The following OSBPL8 variants were observed in gnomAD, a reference collection of about 807,000 sequenced individuals.
OSBPL8 encodes oxysterol binding protein like 8, also known as oxysterol-binding protein-related protein 8.
OSBPL8 carries 59 observed loss-of-function variants against 125.5 expected under a neutral mutation model. The observed-to-expected ratio is 0.47, with a 90% CI of 0.38 to 0.58. OSBPL8 has a LOEUF of 0.58. Ranked by LOEUF, OSBPL8 falls within the 20% of genes least tolerant of loss-of-function variation. The pLI is 0.00. For synonymous variants in OSBPL8, 330 were observed against 338.9 expected (o/e 0.97, Z 0.29); for missense variants, 758 against 1,047.8 (o/e 0.72, Z 3.82).
At chr12:76,402,573 C>G (rs1370285512) in intron 6 of OSBPL8, 116 bp downstream of exon 6, 2 of 731,962 alleles carry the variant, frequency 2.7e-6, no homozygotes, top group Non-Finnish European at 4.6e-6. Flanking sequence ...GTCTGTACCA[C>G]TGGATGTTTT....
At chr12:76,364,992 C>CGG (rs1365452378) in intron 21 of OSBPL8, among the ~76,000 whole-genome samples, 217 of 152,228 alleles carry the variant, frequency 1.4e-3, no homozygotes, top group Admixed American at 3.7e-3. Flanking sequence ...GAGACAGGGT[C>CGG]TCACTCTGTC....
intron 1 of OSBPL8, among the ~76,000 whole-genome samples, chr12:76,528,929 C>T (rs1950259130): frequency 6.6e-6 from 1 of 152,146 alleles, no homozygotes; most frequent in East Asian, 1.9e-4. Context: ...TCCCAACCTC[C>T]TCTCAAGCTA....
intron 3 of OSBPL8, among the ~76,000 whole-genome samples, chr12:76,457,051 C>G (rs1023536827): frequency 1.3e-5 from 2 of 152,034 alleles, no homozygotes; most frequent in East Asian, 3.9e-4. Flanking sequence ...CAATATTGCA[C>G]GAAACATGAT....
intron 1 of OSBPL8, among the ~76,000 whole-genome samples, chr12:76,543,559 G>A (rs562429890): frequency 6.6e-5 from 10 of 152,004 alleles, no homozygotes; most frequent in African/African-American, 2.2e-4. Flanking sequence ...CCCCACACAA[G>A]TTTATTATCT....
intron 8 of OSBPL8, 81 bp downstream of exon 8, chr12:76,397,611 TAA>T: frequency 7.5e-7 from 1 of 1,338,258 alleles, no homozygotes; most frequent in South Asian, 1.4e-5. Flanking sequence ...GGCAGAGGAC[TAA>T]ACTCATTTGA....
intron 1 of OSBPL8, among the ~76,000 whole-genome samples, chr12:76,531,054 A>G (rs1950326165): frequency 6.6e-6 from 1 of 152,186 alleles, no homozygotes; most frequent in African/African-American, 2.4e-5. Flanking sequence ...TGATTTATAA[A>G]AAGAGGTTTA....
At chr12:76,370,599 A>G (rs1952583736) in intron 19 of OSBPL8, among the ~76,000 whole-genome samples, 1 of 152,222 alleles carries the variant, frequency 6.6e-6, no homozygotes, top group Non-Finnish European at 1.5e-5. Flanking sequence ...GCTGAATTAT[A>G]TACTCTCACA....
chr12:76,526,785 G>A (rs1356155806), intron 1 of OSBPL8, among the ~76,000 whole-genome samples: 1 of 151,026 alleles, frequency 6.6e-6, no homozygotes, highest in Admixed American at 6.6e-5. Flanking sequence ...CAAGTAGCTG[G>A]GATTACAGGC....
intron 1 of OSBPL8, among the ~76,000 whole-genome samples, chr12:76,505,977 A>G (rs997585716): frequency 6.6e-6 from 1 of 152,226 alleles, no homozygotes; most frequent in Non-Finnish European, 1.5e-5. Context: ...GAGATTACAA[A>G]GTAGAATGCT....
In OSBPL8 at chr12:76,367,229, G is replaced by GGGGTGTGT. The variant is rs149505291; in HGVS notation, c.2328+1984_2328+1985insACACACCC. Among the ~76,000 whole-genome samples, 6 of 147,168 alleles carry GGGGTGTGT rather than the reference G, an allele frequency of 4.1e-5. No individual in the cohort carries two copies. The South Asian group carries it at 1.1e-3, about 26-fold the overall frequency. On this transcript the variant is annotated intron_variant, in intron 21 of 23. Transcript: ENST00000261183. Reference sequence around the variant, plus strand: ...TGTATATTTTGGGGCTTTGTTGATTGGTGTGTGTGTGTGTGTGTGTGTGTG... The same window carrying GGGGTGTGT: ...TGTATATTTTGGGGCTTTGTTGATTGGGGTGTGTGTGTGTGTGTGTGTGTGTGTGTGTG...
chr12:76,557,387 C>T (rs1178628161), intron 1 of OSBPL8, among the ~76,000 whole-genome samples: 2 of 152,028 alleles, frequency 1.3e-5, no homozygotes, highest in African/African-American at 2.4e-5. Context: ...GAGGCTGAGG[C>T]GGGCGGATCT....
At chr12:76,399,778 G>A in intron 7 of OSBPL8, 95 bp downstream of exon 7, 1 of 851,814 alleles carries the variant, frequency 1.2e-6, no homozygotes, top group Non-Finnish European at 1.8e-6. Flanking sequence ...TTTAGGAGCT[G>A]TTTTTGTCTT....
chr12:76,475,032 G>A (rs1876635448), intron 2 of OSBPL8, among the ~76,000 whole-genome samples: 1 of 152,130 alleles, frequency 6.6e-6, no homozygotes, highest in Non-Finnish European at 1.5e-5. Flanking sequence ...GATTTGGTTG[G>A]ACTTTTAACC....
rs776707890 is a variant in OSBPL8 at position 76,394,633 on chromosome 12, A to C, written c.757+12T>G. On this transcript the variant is annotated intron_variant, in intron 9 of 23. Transcript: ENST00000261183. Reference sequence around the variant, plus strand: ...GAAGACCAAAATCCAATCCATCAAAAACTATACTTACCATCTGACTCTGAA... The same window carrying C: ...GAAGACCAAAATCCAATCCATCAAACACTATACTTACCATCTGACTCTGAA... 1 of 1,604,276 alleles carries C rather than the reference A, an allele frequency of 6.2e-7. No individual in the cohort carries two copies. The highest frequency in any genetic ancestry group is 2.2e-5 in the East Asian group (1 of 44,624).
intron 4 of OSBPL8, among the ~76,000 whole-genome samples, chr12:76,439,879 G>T (rs966795761): frequency 6.6e-6 from 1 of 151,952 alleles, no homozygotes; most frequent in Non-Finnish European, 1.5e-5. Flanking sequence ...CTTGCCAAAG[G>T]TTTGACAATT....
At chr12:76,480,190 A>AAGAATATG (rs1222700414) in intron 2 of OSBPL8, among the ~76,000 whole-genome samples, 1 of 151,222 alleles carries the variant, frequency 6.6e-6, no homozygotes, top group Non-Finnish European at 1.5e-5. Context: ...AAAAAAAAAA[A>AAGAATATG]AGAATATGAG....
intron 4 of OSBPL8, among the ~76,000 whole-genome samples, chr12:76,428,462 C>T (rs1363488698): frequency 6.6e-6 from 1 of 151,826 alleles, no homozygotes; most frequent in Admixed American, 6.6e-5. Flanking sequence ...TTGGAAAAAC[C>T]CCTTTCAATT....
intron 4 of OSBPL8, among the ~76,000 whole-genome samples, chr12:76,445,745 A>G (rs575779937): frequency 6.6e-6 from 1 of 152,302 alleles, no homozygotes; most frequent in Middle Eastern, 3.4e-3. Context: ...CACACTGCCT[A>G]AGAGGAATGT....
intron 22 of OSBPL8, 77 bp from the exon 23 acceptor site, chr12:76,356,805 A>G: frequency 5.1e-6 from 5 of 986,178 alleles, no homozygotes; most frequent in Non-Finnish European, 7.5e-6. Flanking sequence ...ATGTAATAAA[A>G]ATTTTCCTGG....
Sources: gnomAD v4.1 joint callset for allele counts (sites outside exome capture counted in the v4.1 genomes callset) on GRCh38, gnomAD v4.1.1 for gene constraint, MANE v1.5 for transcripts, NCBI Gene and HGNC (gene_info 2026-07-23, HGNC 2026-07-21) for gene names.